The following VPS13B variants were observed in gnomAD, a reference collection of about 807,000 sequenced individuals.
The protein encoded by VPS13B is vacuolar protein sorting 13 homolog B.
In VPS13B, 285 loss-of-function variants were observed where a neutral mutation model predicts 426.4. The observed-to-expected ratio is 0.67, with a 90% CI of 0.61 to 0.74. VPS13B has a LOEUF of 0.74. VPS13B is among the 30% of genes least tolerant of loss of function. The pLI is 0.00. For synonymous variants in VPS13B, 1,676 were observed against 1,676.4 expected (o/e 1.00, Z 0.01); for missense variants, 4,537 against 4,782.6 (o/e 0.95, Z 1.51).
chr8:99,679,701 G>C (rs1588616923), intron 35 of VPS13B, among the ~76,000 whole-genome samples: 1 of 151,922 alleles, frequency 6.6e-6, no homozygotes, highest in East Asian at 1.9e-4. Context: ...CATCACTGAG[G>C]TCTTTACACT....
chr8:99,182,545 T>A (rs1349282746), intron 16 of VPS13B, among the ~76,000 whole-genome samples: 4 of 152,196 alleles, frequency 2.6e-5, no homozygotes, highest in African/African-American at 7.2e-5. Context: ...AAAACAAAAT[T>A]GAAATCTGTT....
intron 3 of VPS13B, among the ~76,000 whole-genome samples, chr8:99,050,834 T>G (rs1022807879): frequency 7.2e-5 from 11 of 152,232 alleles, no homozygotes; most frequent in African/African-American, 2.7e-4. Flanking sequence ...AATGTCTTCT[T>G]TTGAGAAGTG....
chr8:99,712,690 A>C (rs538282703), intron 36 of VPS13B, among the ~76,000 whole-genome samples: 1 of 149,310 alleles, frequency 6.7e-6, no homozygotes, highest in East Asian at 2.0e-4. Context: ...AATTTTACTG[A>C]TATTTCTGTC....
At chr8:99,518,780 G>T (rs1198378095) in intron 29 of VPS13B, among the ~76,000 whole-genome samples, 1 of 152,056 alleles carries the variant, frequency 6.6e-6, no homozygotes. Context: ...ACAATACACT[G>T]AAATAATATA....
intron 19 of VPS13B, among the ~76,000 whole-genome samples, chr8:99,320,795 G>T (rs1809934672): frequency 6.6e-6 from 1 of 152,104 alleles, no homozygotes; most frequent in African/African-American, 2.4e-5. Context: ...CAGTCACTTT[G>T]CTTTGATATT....
intron 15 of VPS13B, among the ~76,000 whole-genome samples, chr8:99,165,412 A>G (rs1811946583): frequency 6.6e-6 from 1 of 152,130 alleles, no homozygotes; most frequent in Non-Finnish European, 1.5e-5. Flanking sequence ...TTGAATATGT[A>G]TGGTATTGAG....
At chr8:99,546,851 G>A (rs868853835) in intron 30 of VPS13B, among the ~76,000 whole-genome samples, 1 of 151,868 alleles carries the variant, frequency 6.6e-6, no homozygotes, top group Non-Finnish European at 1.5e-5. Flanking sequence ...GTTATTAAAG[G>A]TTTCCCAAAC....
At chr8:99,820,442 A>G (rs1814294657) in intron 49 of VPS13B, among the ~76,000 whole-genome samples, 1 of 152,160 alleles carries the variant, frequency 6.6e-6, no homozygotes, top group South Asian at 2.1e-4. Context: ...TAGAGCCATC[A>G]TGTGTGCTTA....
At chr8:99,539,128 A>G (rs543479877) in intron 30 of VPS13B, among the ~76,000 whole-genome samples, 1 of 152,310 alleles carries the variant, frequency 6.6e-6, no homozygotes, top group African/African-American at 2.4e-5. Flanking sequence ...TAAGATCTAA[A>G]TGATGATGAT....
At chr8:99,209,997 C>T (rs1814984461) in intron 17 of VPS13B, among the ~76,000 whole-genome samples, 1 of 151,706 alleles carries the variant, frequency 6.6e-6, no homozygotes, top group Admixed American at 6.6e-5. Flanking sequence ...TTATAATAAG[C>T]AATTAAAAAT....
intron 17 of VPS13B, among the ~76,000 whole-genome samples, chr8:99,239,020 G>A (rs538528977): frequency 6.6e-6 from 1 of 152,230 alleles, no homozygotes; most frequent in South Asian, 2.1e-4. Context: ...ATCACTTGGG[G>A]TTGTGCTAAA....
At chr8:99,340,823 CAGAGCCTGCAATGCT>C (rs1340610017) in intron 19 of VPS13B, 2 of 330,820 alleles carry the variant, frequency 6.0e-6, no homozygotes, top group African/African-American at 4.5e-5. Context: ...CGGACCGCCT[CAGAGCCTGCAATGCT>C]TCCGGCTTGG....
chr8:99,737,330 C>A (rs1252234504), intron 39 of VPS13B, among the ~76,000 whole-genome samples: 1 of 151,462 alleles, frequency 6.6e-6, no homozygotes, highest in African/African-American at 2.4e-5. Flanking sequence ...CCGTGTTAGC[C>A]AGGATGGTCT....
chr8:99,122,462 C>T (rs1847994798), intron 8 of VPS13B, among the ~76,000 whole-genome samples: 1 of 152,004 alleles, frequency 6.6e-6, no homozygotes, highest in East Asian at 1.9e-4. Flanking sequence ...CATCTGTAAT[C>T]CCAGTACCCC....
intron 36 of VPS13B, among the ~76,000 whole-genome samples, chr8:99,710,136 A>G (rs1275428022): frequency 6.6e-6 from 1 of 152,216 alleles, no homozygotes; most frequent in Non-Finnish European, 1.5e-5. Flanking sequence ...CAAGTACAGA[A>G]AATGTACAGG....
chr8:99,778,330 T>C (rs980493433), intron 41 of VPS13B, among the ~76,000 whole-genome samples: 1 of 152,202 alleles, frequency 6.6e-6, no homozygotes, highest in African/African-American at 2.4e-5. Context: ...GTCATGTTTT[T>C]GTTTTGGTTT....
rs560095531 is a variant in VPS13B at position 99,425,758 on chromosome 8, A to G, written c.3083-5779A>G. On this transcript the variant is annotated intron_variant, in intron 21 of 61. Transcript: ENST00000357162. ...ATTCAATTAGGAAAAGAGGAAGTCA[A>G]ATTGTCCCTGTTTGCAGATGACATG... Among the ~76,000 whole-genome samples the G allele has an allele frequency of 5.3e-5, 8 of 152,282 alleles. No individual in the cohort carries two copies. In the East Asian group the frequency reaches 1.5e-3, roughly 29 times the overall value.
At chr8:99,320,352 C>A (rs1030288203) in intron 19 of VPS13B, among the ~76,000 whole-genome samples, 1 of 152,236 alleles carries the variant, frequency 6.6e-6, no homozygotes, top group East Asian at 1.9e-4. Flanking sequence ...TCCTGGGAAT[C>A]CTAATCTTTG....
intron 19 of VPS13B, among the ~76,000 whole-genome samples, chr8:99,286,635 C>T (rs973943692): frequency 1.3e-5 from 2 of 152,070 alleles, no homozygotes; most frequent in African/African-American, 4.8e-5. Context: ...AGTGTAAAGG[C>T]AATGAAAGGT....
Sources: allele counts gnomAD v4.1 joint callset (sites outside exome capture counted in the v4.1 genomes callset), GRCh38; gene constraint gnomAD v4.1.1; transcripts MANE v1.5; gene names NCBI Gene and HGNC (gene_info 2026-07-23, HGNC 2026-07-21).